Variants in ERBB4 observed in about 807,000 individuals in gnomAD.
The protein encoded by ERBB4 is erb-b2 receptor tyrosine kinase 4.
Under a neutral mutation model 158.0 loss-of-function variants are expected in ERBB4, and 42 were observed. The ratio of observed to expected loss-of-function variants is 0.27; its 90% CI spans 0.21 to 0.34. The LOEUF (loss-of-function observed/expected upper bound fraction) is 0.34, where lower values mean the gene tolerates loss of function less well. ERBB4 is among the 10% of genes least tolerant of loss of function. The pLI, the probability that ERBB4 is intolerant of heterozygous loss-of-function variation, is 1.00. For synonymous variants in ERBB4, 583 were observed against 558.7 expected (o/e 1.04, Z -0.61); for missense variants, 1,333 against 1,624.1 (o/e 0.82, Z 3.08).
At chr2:212,035,517 T>C (rs1317096247) in intron 2 of ERBB4, among the ~76,000 whole-genome samples, 1 of 152,224 alleles carries the variant, frequency 6.6e-6, no homozygotes. Context: ...CTAGATGAGA[T>C]AAATCTTTGC....
intron 1 of ERBB4, among the ~76,000 whole-genome samples, chr2:212,328,085 T>A (rs2087945580): frequency 6.6e-6 from 1 of 151,824 alleles, no homozygotes; most frequent in South Asian, 2.1e-4. Flanking sequence ...GGGCATTTCT[T>A]CCATTTCTCA....
chr2:211,580,783 T>A (rs2068044285), intron 19 of ERBB4, among the ~76,000 whole-genome samples: 2 of 33,360 alleles, frequency 6.0e-5, no homozygotes, highest in African/African-American at 1.4e-4. Flanking sequence ...GATAAAGAAA[T>A]TGTGATATAT....
chr2:211,475,004 G>T (rs1417912894), intron 20 of ERBB4, among the ~76,000 whole-genome samples: 6 of 152,010 alleles, frequency 3.9e-5, no homozygotes, highest in Non-Finnish European at 4.4e-5. Context: ...AGGCAAAACA[G>T]TATGGTGAGG....
chr2:212,306,061 A>T (rs1411881861), intron 1 of ERBB4, among the ~76,000 whole-genome samples: 1 of 151,472 alleles, frequency 6.6e-6, no homozygotes, highest in Non-Finnish European at 1.5e-5. Flanking sequence ...ATATTCGAAC[A>T]TGCACATATA....
At position 211,663,301 on chromosome 2, in the gene ERBB4, T is replaced by C. The variant is rs572871532; in HGVS notation, c.1871+2022A>G. ...TTTTAAAAACAGGATGGCAGAAAGC[T>C]AAATGAAAACAGAGACAAAAATCCT... is the stretch of plus-strand genomic sequence containing the variant. On this transcript the variant is annotated intron_variant, in intron 15 of 27. Transcript: ENST00000342788. 3.9e-5 allele frequency among the ~76,000 whole-genome samples: 6 copies of C among 152,308 alleles called. No individual in the cohort carries two copies. In the East Asian group the frequency reaches 9.6e-4, roughly 24 times the overall value.
intron 1 of ERBB4, among the ~76,000 whole-genome samples, chr2:212,339,770 G>T (rs893581862): frequency 2.0e-5 from 3 of 151,890 alleles, no homozygotes; most frequent in Non-Finnish European, 4.4e-5. Context: ...TTTAGAAAAA[G>T]AAATCACATT....
At chr2:212,278,305 C>G (rs1482191387) in intron 1 of ERBB4, among the ~76,000 whole-genome samples, 1 of 151,622 alleles carries the variant, frequency 6.6e-6, no homozygotes, top group Non-Finnish European at 1.5e-5. Flanking sequence ...GCACAAGGGT[C>G]CTTTATTTTA....
chr2:212,341,762 T>C (rs2088726317), intron 1 of ERBB4, among the ~76,000 whole-genome samples: 1 of 152,184 alleles, frequency 6.6e-6, no homozygotes, highest in African/African-American at 2.4e-5. Context: ...AGAATCTATC[T>C]TCATTCTTAT....
At chr2:211,641,202 A>G (rs2070571548) in intron 16 of ERBB4, among the ~76,000 whole-genome samples, 1 of 152,072 alleles carries the variant, frequency 6.6e-6, no homozygotes, top group Non-Finnish European at 1.5e-5. Flanking sequence ...TTTATTCTCT[A>G]GGAACATTCA....
chr2:211,893,518 A>G (rs979052733), intron 3 of ERBB4, among the ~76,000 whole-genome samples: 1 of 141,992 alleles, frequency 7.0e-6, no homozygotes, highest in African/African-American at 2.8e-5. Flanking sequence ...TTCATGTCCA[A>G]AACACCAAAA....
intron 12 of ERBB4, among the ~76,000 whole-genome samples, chr2:211,698,523 T>C (rs1228097026): frequency 6.6e-6 from 1 of 151,804 alleles, no homozygotes; most frequent in African/African-American, 2.4e-5. Flanking sequence ...TTATATATAA[T>C]GTAGTTTAAA....
At chr2:211,747,217 C>T (rs2075003425) in intron 5 of ERBB4, among the ~76,000 whole-genome samples, 1 of 152,134 alleles carries the variant, frequency 6.6e-6, no homozygotes, top group Non-Finnish European at 1.5e-5. Context: ...TTTCTCAACC[C>T]TCAGTACTAT....
chr2:211,764,668 C>T (rs1415156061), intron 4 of ERBB4, among the ~76,000 whole-genome samples: 1 of 152,052 alleles, frequency 6.6e-6, no homozygotes, highest in East Asian at 1.9e-4. Context: ...TCTCCGGAGC[C>T]CATACTCTTA....
At chr2:211,412,852 G>A (rs1299467909) in intron 25 of ERBB4, among the ~76,000 whole-genome samples, 1 of 151,466 alleles carries the variant, frequency 6.6e-6, no homozygotes, top group African/African-American at 2.4e-5. Flanking sequence ...TACTCAGGAG[G>A]CTGAGGCAGG....
At chr2:211,663,463 C>G (rs1051742803) in intron 15 of ERBB4, among the ~76,000 whole-genome samples, 3 of 152,120 alleles carry the variant, frequency 2.0e-5, no homozygotes, top group African/African-American at 7.2e-5. Context: ...TTGGAGTTCC[C>G]AAATGCTCTG....
At chr2:212,095,655 G>A (rs976609295) in intron 2 of ERBB4, among the ~76,000 whole-genome samples, 4 of 152,224 alleles carry the variant, frequency 2.6e-5, no homozygotes, top group South Asian at 2.1e-4. Flanking sequence ...AATTTTGGCC[G>A]GGCGCGGTGG....
At chr2:211,961,274 A>G (rs1303569268) in intron 2 of ERBB4, among the ~76,000 whole-genome samples, 1 of 152,114 alleles carries the variant, frequency 6.6e-6, no homozygotes, top group African/African-American at 2.4e-5. Flanking sequence ...TTTGTATAGT[A>G]AGCAGCATTG....
intron 1 of ERBB4, among the ~76,000 whole-genome samples, chr2:212,453,106 G>T (rs77631836): frequency 2.0e-5 from 3 of 152,100 alleles, no homozygotes; most frequent in Admixed American, 2.0e-4. Flanking sequence ...AGAAAACAGG[G>T]ATTATATCTA....
At chr2:212,323,855 T>C (rs2087687836) in intron 1 of ERBB4, among the ~76,000 whole-genome samples, 1 of 141,924 alleles carries the variant, frequency 7.0e-6, no homozygotes, top group Non-Finnish European at 1.6e-5. Flanking sequence ...CAGAAATCCA[T>C]GGCTTTTCTG....
Sources: allele counts gnomAD v4.1 joint callset (sites outside exome capture counted in the v4.1 genomes callset), GRCh38; gene constraint gnomAD v4.1.1; transcripts MANE v1.5; gene names NCBI Gene and HGNC (gene_info 2026-07-23, HGNC 2026-07-21).